Variants in GPR158 observed in about 807,000 individuals in gnomAD.
GPR158 encodes the protein G protein-coupled receptor 158.
A neutral mutation model predicts 78.2 loss-of-function variants in GPR158; 30 were observed. That is an observed-to-expected ratio of 0.38 (90% CI 0.29 to 0.52). The LOEUF (loss-of-function observed/expected upper bound fraction) is 0.52, where lower values mean the gene tolerates loss of function less well. GPR158 is among the 20% of genes least tolerant of loss of function. The probability of loss-of-function intolerance (pLI) is 0.83; values close to 1 mark genes in which losing one functional copy is unlikely to be tolerated. For synonymous variants in GPR158, 581 were observed against 591.1 expected (o/e 0.98, Z 0.25); for missense variants, 1,463 against 1,523.5 (o/e 0.96, Z 0.66).
intron 9 of GPR158, among the ~76,000 whole-genome samples, chr10:25,595,787 C>G (rs1484876062): frequency 1.3e-5 from 2 of 152,100 alleles, no homozygotes; most frequent in Non-Finnish European, 2.9e-5. Context: ...ATGAATATTC[C>G]AAAACTATTC....
chr10:25,547,856 G>A (rs548138786), intron 5 of GPR158, among the ~76,000 whole-genome samples: 3 of 152,282 alleles, frequency 2.0e-5, no homozygotes, highest in African/African-American at 7.2e-5. Context: ...ATGAGTAAAT[G>A]TATGCAAAGA....
chr10:25,582,538 G>T (rs1003691129), intron 7 of GPR158, among the ~76,000 whole-genome samples: 1 of 152,184 alleles, frequency 6.6e-6, no homozygotes, highest in Non-Finnish European at 1.5e-5. Flanking sequence ...TGGCCATTCC[G>T]ACAGTTCTGG....
chr10:25,483,514 G>GT (rs1368729055), intron 5 of GPR158, among the ~76,000 whole-genome samples: 1 of 151,938 alleles, frequency 6.6e-6, no homozygotes, highest in African/African-American at 2.4e-5. Context: ...AGAATTGATC[G>GT]TTTTTTACAT....
chr10:25,433,009 G>T (rs976944136), intron 4 of GPR158, among the ~76,000 whole-genome samples: 5 of 152,180 alleles, frequency 3.3e-5, no homozygotes, highest in African/African-American at 1.2e-4. Flanking sequence ...CACGTATAGT[G>T]AATGACTTTG....
chr10:25,248,512 C>G (rs1205178620), intron 2 of GPR158, among the ~76,000 whole-genome samples: 6 of 149,502 alleles, frequency 4.0e-5, no homozygotes, highest in Admixed American at 6.7e-5. Flanking sequence ...GGAAGGGATC[C>G]AGTTTCAGCT....
At chr10:25,394,565 A>T (rs1834343592) in intron 2 of GPR158, among the ~76,000 whole-genome samples, 1 of 152,206 alleles carries the variant, frequency 6.6e-6, no homozygotes, top group South Asian at 2.1e-4. Context: ...TTGCTAACTC[A>T]GTTGAATTGA....
chr10:25,220,506 G>A (rs1853284198), intron 1 of GPR158, among the ~76,000 whole-genome samples: 1 of 152,178 alleles, frequency 6.6e-6, no homozygotes, highest in Admixed American at 6.5e-5. Flanking sequence ...CATTTCTGTA[G>A]TGAGGCAAAT....
At chr10:25,374,401 C>A (rs919362774) in intron 2 of GPR158, among the ~76,000 whole-genome samples, 2 of 151,580 alleles carry the variant, frequency 1.3e-5, no homozygotes, top group African/African-American at 4.8e-5. Context: ...GGTAACAGTC[C>A]ACAGAGCTTA....
chr10:25,229,214 A>G (rs1019496599), intron 2 of GPR158, among the ~76,000 whole-genome samples: 7 of 152,092 alleles, frequency 4.6e-5, no homozygotes, highest in Admixed American at 1.3e-4. Context: ...GAGAAAGACA[A>G]TTTGAAGAAC....
At chr10:25,558,403 A>T (rs1397295163) in intron 6 of GPR158, among the ~76,000 whole-genome samples, 1 of 152,222 alleles carries the variant, frequency 6.6e-6, no homozygotes, top group Admixed American at 6.5e-5. Flanking sequence ...CTTTATGTGA[A>T]GTCGGTAAGA....
intron 1 of GPR158, among the ~76,000 whole-genome samples, chr10:25,181,752 C>T (rs896209352): frequency 1.3e-5 from 2 of 152,216 alleles, no homozygotes; most frequent in Admixed American, 1.3e-4. Context: ...GGATCTCACT[C>T]TGTTGCCCAG....
At chr10:25,194,233 A>C (rs1338514643) in intron 1 of GPR158, among the ~76,000 whole-genome samples, 1 of 152,186 alleles carries the variant, frequency 6.6e-6, no homozygotes, top group Non-Finnish European at 1.5e-5. Context: ...GACTCAAGGC[A>C]CAGGAGTAAG....
intron 1 of GPR158, among the ~76,000 whole-genome samples, chr10:25,177,764 A>C (rs1001948): frequency 0.49 from 74,539 of 151,702 alleles, 19,497 homozygotes; most frequent in East Asian, 0.68. Flanking sequence ...AGGATAATAA[A>C]CCCCTTTGTC....
intron 5 of GPR158, among the ~76,000 whole-genome samples, chr10:25,544,771 C>A (rs1329765848): frequency 6.6e-6 from 1 of 152,118 alleles, no homozygotes; most frequent in Non-Finnish European, 1.5e-5. Context: ...AGGTTTGTTA[C>A]ATAGGTATAC....
At chr10:25,523,078 C>A (rs1293231953) in intron 5 of GPR158, among the ~76,000 whole-genome samples, 1 of 152,216 alleles carries the variant, frequency 6.6e-6, no homozygotes, top group East Asian at 1.9e-4. Flanking sequence ...CCCTTCATCA[C>A]TTAGTATAAG....
intron 4 of GPR158, among the ~76,000 whole-genome samples, chr10:25,436,990 G>C (rs914099809): frequency 2.0e-5 from 3 of 152,188 alleles, no homozygotes; most frequent in African/African-American, 7.2e-5. Context: ...CAAAAAGAGA[G>C]AGAGGGATTC....
intron 2 of GPR158, among the ~76,000 whole-genome samples, chr10:25,354,249 G>T (rs899108464): frequency 6.6e-6 from 1 of 151,756 alleles, no homozygotes; most frequent in Admixed American, 6.6e-5. Flanking sequence ...CAGCCTCCTA[G>T]GAGGCTGAGG....
chr10:25,519,331 T>C (rs1564477752), intron 5 of GPR158, among the ~76,000 whole-genome samples: 1 of 142,896 alleles, frequency 7.0e-6, no homozygotes, highest in African/African-American at 2.9e-5. Flanking sequence ...TTATCCAATT[T>C]GCCAGTCTGT....
At chr10:25,572,078 A>AATACAACC (rs1286586525) in intron 6 of GPR158, among the ~76,000 whole-genome samples, 1 of 152,198 alleles carries the variant, frequency 6.6e-6, no homozygotes, top group African/African-American at 2.4e-5. Flanking sequence ...AATATTGTAA[A>AATACAACC]ATACAACCAC....
Sources: gnomAD v4.1 joint callset for allele counts (sites outside exome capture counted in the v4.1 genomes callset) on GRCh38, gnomAD v4.1.1 for gene constraint, MANE v1.5 for transcripts, NCBI Gene and HGNC (gene_info 2026-07-23, HGNC 2026-07-21) for gene names.